CACNG3: variants seen among roughly 807,000 people sequenced by gnomAD.
The protein encoded by CACNG3 is calcium voltage-gated channel auxiliary subunit gamma 3, also known as voltage-dependent calcium channel gamma-3 subunit.
CACNG3 carries 3 observed loss-of-function variants against 28.5 expected under a neutral mutation model. That is an observed-to-expected ratio of 0.11 (90% CI 0.05 to 0.27). The LOEUF (loss-of-function observed/expected upper bound fraction) is 0.27. CACNG3 is among the 10% of genes least tolerant of loss of function. The pLI, the probability that CACNG3 is intolerant of heterozygous loss-of-function variation, is 1.00. For missense variants in CACNG3, 236 were observed against 414.4 expected, an observed-to-expected ratio of 0.57 and a Z score of 3.74; for synonymous variants, 174 against 162.2, an observed-to-expected ratio of 1.07 and a Z score of -0.55.
intron 1 of CACNG3, among the ~76,000 whole-genome samples, chr16:24,276,831 T>C (rs550330204): frequency 1.3e-5 from 2 of 152,346 alleles, no homozygotes; most frequent in Non-Finnish European, 1.5e-5. Context: ...TTGAGATCTG[T>C]GGTGATATTC....
intron 1 of CACNG3, among the ~76,000 whole-genome samples, chr16:24,302,602 G>A (rs1899128043): frequency 6.6e-6 from 1 of 151,802 alleles, no homozygotes; most frequent in Non-Finnish European, 1.5e-5. Flanking sequence ...CCACAGGCAT[G>A]CACCACTATG....
intron 1 of CACNG3, among the ~76,000 whole-genome samples, chr16:24,309,780 G>A (rs2141363955): frequency 6.6e-6 from 1 of 152,322 alleles, no homozygotes; most frequent in South Asian, 2.1e-4. Context: ...TGGGAATACA[G>A]AGGAGGAGAT....
At chr16:24,299,139 A>AG (rs1273761229) in intron 1 of CACNG3, among the ~76,000 whole-genome samples, 1 of 152,136 alleles carries the variant, frequency 6.6e-6, no homozygotes, top group South Asian at 2.1e-4. Context: ...CACTTCCTTG[A>AG]GGGGGCTGTG....
chr16:24,340,608 T>G (rs1899772547), intron 1 of CACNG3, among the ~76,000 whole-genome samples: 2 of 152,156 alleles, frequency 1.3e-5, no homozygotes, highest in African/African-American at 4.8e-5. Context: ...CCCCTCCTCA[T>G]GTGAAGGAAG....
At chr16:24,348,402 A>T (rs1442579260) in intron 2 of CACNG3, among the ~76,000 whole-genome samples, 1 of 151,340 alleles carries the variant, frequency 6.6e-6, no homozygotes, top group Non-Finnish European at 1.5e-5. Context: ...AATCAATAAT[A>T]TTGATTAGTG....
At chr16:24,305,260 C>G (rs912738930) in intron 1 of CACNG3, among the ~76,000 whole-genome samples, 1 of 149,882 alleles carries the variant, frequency 6.7e-6, no homozygotes, top group Non-Finnish European at 1.5e-5. Flanking sequence ...TTTCTGTGAG[C>G]CTAAAACTGC....
chr16:24,257,863 A>G (rs1898489486), intron 1 of CACNG3, among the ~76,000 whole-genome samples: 1 of 152,224 alleles, frequency 6.6e-6, no homozygotes, highest in Admixed American at 6.5e-5. Flanking sequence ...CTATCACACT[A>G]TTAAACTTGC....
intron 1 of CACNG3, among the ~76,000 whole-genome samples, chr16:24,311,910 G>A (rs1255757005): frequency 6.6e-6 from 1 of 152,316 alleles, no homozygotes; most frequent in South Asian, 2.1e-4. Context: ...GGAAAGAGAC[G>A]GTGCTTCTCC....
chr16:24,345,087 T>C (rs1169705267), intron 1 of CACNG3, among the ~76,000 whole-genome samples: 2 of 152,208 alleles, frequency 1.3e-5, no homozygotes, highest in African/African-American at 4.8e-5. Flanking sequence ...TGGAAGCACT[T>C]AATAAGTGTC....
In CACNG3 at chr16:24,361,540, G is replaced by A. The variant is rs1463552275; in HGVS notation, c.625G>A (p.Ala209Thr). 2 of 1,614,026 alleles carry A rather than the reference G, an allele frequency of 1.2e-6. No individual in the cohort carries two copies. Among genetic ancestry groups the A allele is most frequent in the East Asian group, 2.2e-5 (1 of 44,868 alleles). ...TATTGAAAAACATCAGCAGTTACGA[G>A]CCAAATCCCACTCGGAGTTCCTGAA... ...IYIEKHQQLR[A>T]KSHSEFLKKS... Residue 209 changes from alanine to threonine, a missense_variant, in exon 4 of 4, where the codon GCC (alanine) becomes ACC (threonine). Physicochemically the swap from Ala to Thr is moderately conservative, Grantham distance 58. Transcript: ENST00000005284. The surrounding 1 kb of genome is among the most constrained non-coding windows in gnomAD (Gnocchi z 6.8).
intron 1 of CACNG3, among the ~76,000 whole-genome samples, chr16:24,265,873 C>T (rs540121932): frequency 6.6e-6 from 1 of 152,224 alleles, no homozygotes; most frequent in East Asian, 1.9e-4. Context: ...TACTATCTTG[C>T]CTTTTCCAGA....
At chr16:24,269,469 C>T (rs907870967) in intron 1 of CACNG3, among the ~76,000 whole-genome samples, 1 of 152,046 alleles carries the variant, frequency 6.6e-6, no homozygotes, top group African/African-American at 2.4e-5. Flanking sequence ...TTGAAAATCT[C>T]AGCCGAGTGC....
chr16:24,260,360 T>C (rs1283453264), intron 1 of CACNG3, among the ~76,000 whole-genome samples: 2 of 152,238 alleles, frequency 1.3e-5, no homozygotes, highest in Non-Finnish European at 2.9e-5. Flanking sequence ...TAGCACTTAC[T>C]ATGTGCTCAG....
chr16:24,280,611 T>A (rs555422566), intron 1 of CACNG3, among the ~76,000 whole-genome samples: 5 of 151,072 alleles, frequency 3.3e-5, no homozygotes, highest in African/African-American at 9.7e-5. Context: ...AGGTCAGGAG[T>A]TCGAGACCAG....
At chr16:24,319,046 A>G (rs1596641246) in intron 1 of CACNG3, among the ~76,000 whole-genome samples, 1 of 152,210 alleles carries the variant, frequency 6.6e-6, no homozygotes, top group East Asian at 1.9e-4. Context: ...GTGGCCTTCT[A>G]TTTACAGCCA....
intron 1 of CACNG3, among the ~76,000 whole-genome samples, chr16:24,306,079 A>T (rs963048464): frequency 2.0e-5 from 3 of 152,138 alleles, no homozygotes; most frequent in Non-Finnish European, 4.4e-5. Flanking sequence ...AGTTGGTCTG[A>T]GTGCTTTGAT....
chr16:24,329,370 A>G (rs11074616), intron 1 of CACNG3, among the ~76,000 whole-genome samples: 115,117 of 152,096 alleles, frequency 0.76, 43,706 homozygotes, highest in Middle Eastern at 0.86. Flanking sequence ...AGGTTGAAAT[A>G]AGCAGTCCAG....
intron 2 of CACNG3, among the ~76,000 whole-genome samples, chr16:24,350,576 ACAG>A (rs1899927942): frequency 1.3e-5 from 2 of 152,222 alleles, no homozygotes; most frequent in African/African-American, 4.8e-5. Flanking sequence ...TGCTGAGATT[ACAG>A]GCGTGAGCCA....
intron 1 of CACNG3, among the ~76,000 whole-genome samples, chr16:24,280,805 G>C (rs1244528713): frequency 9.4e-6 from 1 of 106,472 alleles, no homozygotes. Flanking sequence ...CTGGGTGACA[G>C]AGCAAGAGTT....
Sources: allele counts gnomAD v4.1 joint callset (sites outside exome capture counted in the v4.1 genomes callset), GRCh38; gene constraint gnomAD v4.1.1; non-coding constraint Gnocchi (gnomAD v3.1); transcripts MANE v1.5; gene names NCBI Gene and HGNC (gene_info 2026-07-23, HGNC 2026-07-21).